Variants in VDAC1 observed in about 807,000 individuals in gnomAD.
VDAC1 encodes non-selective voltage-gated ion channel VDAC1.
Under a neutral mutation model 34.7 loss-of-function variants are expected in VDAC1, and 10 were observed. The observed-to-expected ratio is 0.29, with a 90% confidence interval of 0.18 to 0.49. The LOEUF is 0.49. VDAC1 is among the 20% of genes least tolerant of loss of function. The pLI, the probability that VDAC1 is intolerant of heterozygous loss-of-function variation, is 0.99. For missense variants in VDAC1, 230 were observed against 347.9 expected (o/e 0.66, Z 2.69); for synonymous variants, 130 against 136.0 (o/e 0.96, Z 0.30).
the VDAC1 span, among the ~76,000 whole-genome samples, chr5:134,060,150 G>A: frequency 6.6e-6 from 1 of 151,928 alleles, no homozygotes; most frequent in Non-Finnish European, 1.5e-5. Context: ...GTAAAGCCAA[G>A]AGTCAGAAAC....
intron 5 of VDAC1, among the ~76,000 whole-genome samples, chr5:133,981,306 A>C (rs1752689006): frequency 6.6e-6 from 1 of 152,232 alleles, no homozygotes; most frequent in African/African-American, 2.4e-5. Flanking sequence ...TATGAAACAG[A>C]TGCATCTTTG....
the VDAC1 span, among the ~76,000 whole-genome samples, chr5:134,094,601 G>A: frequency 1.3e-5 from 2 of 150,088 alleles, no homozygotes; most frequent in African/African-American, 2.4e-5. Flanking sequence ...GGAGGCTGAG[G>A]TAGGAGAATG....
At chr5:134,106,900 T>C in the VDAC1 span, among the ~76,000 whole-genome samples, 6 of 152,194 alleles carry the variant, frequency 3.9e-5, no homozygotes, top group East Asian at 1.9e-4. Flanking sequence ...TTAGAAAAAG[T>C]TGAAGCCTGT....
intron 1 of VDAC1, among the ~76,000 whole-genome samples, chr5:133,995,206 G>A (rs1290503044): frequency 2.0e-5 from 3 of 152,198 alleles, no homozygotes; most frequent in Non-Finnish European, 2.9e-5. Flanking sequence ...AGAGCAGACC[G>A]GACCCCTCCT....
At chr5:134,006,750 A>ACCC (rs1561605416), upstream of VDAC1, among the ~76,000 whole-genome samples, 76 of 64,900 alleles carry the variant, frequency 1.2e-3, 2 homozygotes, top group African/African-American at 2.9e-3. Flanking sequence ...CCCCCCCCCA[A>ACCC]AAAAAAAAAA....
At chr5:134,032,081 C>T in the VDAC1 span, among the ~76,000 whole-genome samples, 7 of 141,934 alleles carry the variant, frequency 4.9e-5, no homozygotes, top group South Asian at 4.6e-4. Flanking sequence ...CAAGATTGTG[C>T]CACTGCACTC....
chr5:134,083,778 A>G, the VDAC1 span, among the ~76,000 whole-genome samples: 2 of 152,234 alleles, frequency 1.3e-5, no homozygotes, highest in African/African-American at 4.8e-5. Context: ...CAGAGTCCAG[A>G]GAGGGAGACA....
chr5:134,060,895 T>TTTTTTTTTTTTTTA, the VDAC1 span, among the ~76,000 whole-genome samples: 2 of 144,816 alleles, frequency 1.4e-5, no homozygotes, highest in Non-Finnish European at 3.0e-5. Context: ...TTTTTTTTTT[T>TTTTTTTTTTTTTTA]GAGACAGGGT....
At chr5:134,039,990 C>A in the VDAC1 span, among the ~76,000 whole-genome samples, 1 of 152,182 alleles carries the variant, frequency 6.6e-6, no homozygotes, top group Admixed American at 6.5e-5. Flanking sequence ...GGTGACAGCA[C>A]CCCCTTAGGC....
chr5:134,000,742 C>T (rs984711333), intron 1 of VDAC1, among the ~76,000 whole-genome samples: 1 of 152,102 alleles, frequency 6.6e-6, no homozygotes. Flanking sequence ...ACTGAATTAG[C>T]TCGTTAATAT....
At chr5:134,099,955 T>C in the VDAC1 span, among the ~76,000 whole-genome samples, 3 of 152,184 alleles carry the variant, frequency 2.0e-5, no homozygotes, top group Non-Finnish European at 4.4e-5. Context: ...AAGGGGTCCA[T>C]CCCACATTCC....
intron 6 of VDAC1, among the ~76,000 whole-genome samples, chr5:133,979,688 A>C (rs576995332): frequency 1.6e-3 from 246 of 152,274 alleles, no homozygotes; most frequent in African/African-American, 5.4e-3. Context: ...TCGGCCTCCC[A>C]AAGTGCTGGG....
At chr5:134,073,054 G>C in the VDAC1 span, among the ~76,000 whole-genome samples, 5 of 152,192 alleles carry the variant, frequency 3.3e-5, no homozygotes. Context: ...GCTATGTCAA[G>C]AGTCAAGAGG....
At chr5:134,111,875 T>C in the VDAC1 span, among the ~76,000 whole-genome samples, 2 of 152,216 alleles carry the variant, frequency 1.3e-5, no homozygotes, top group Non-Finnish European at 2.9e-5. Context: ...TGTGAGAACT[T>C]AGGTGACTTC....
Position 133,980,899 on chromosome 5 carries a change from G to A in VDAC1, c.381C>T (p.Cys127=), listed in dbSNP as rs769541255. The A allele has an allele frequency of 8.7e-6, 14 of 1,613,886 alleles. No homozygotes were observed. The highest frequency in any genetic ancestry group is 3.3e-5 in the South Asian group (3 of 91,076). ...GCCCAGCAATGTCGAAATCCATGTC[G>A]CAGCCCAGGTTAATGTGCTCCCGCT... is the stretch of plus-strand genomic sequence containing the variant. ...GYKREHINLG[C]DMDFDIAGPS... Residue 127 remains cysteine, a synonymous_variant, in exon 6 of 9, where the codon TGC becomes TGT. Transcript: ENST00000265333.
At chr5:134,038,268 C>G in the VDAC1 span, among the ~76,000 whole-genome samples, 1 of 152,170 alleles carries the variant, frequency 6.6e-6, no homozygotes, top group Non-Finnish European at 1.5e-5. Flanking sequence ...TGAAAGAACT[C>G]AGAAAGCAAA....
chr5:134,014,723 G>A, the VDAC1 span, among the ~76,000 whole-genome samples: 4 of 152,000 alleles, frequency 2.6e-5, no homozygotes, highest in East Asian at 1.9e-4. Context: ...AAAATTAGCC[G>A]GGCATGGTGG....
At chr5:134,039,722 G>C in the VDAC1 span, among the ~76,000 whole-genome samples, 3 of 152,322 alleles carry the variant, frequency 2.0e-5, no homozygotes, top group South Asian at 6.2e-4. Context: ...TTAGCCACGA[G>C]GTGGCGCCAG....
chr5:134,113,311 C>T, the VDAC1 span, among the ~76,000 whole-genome samples: 180 of 152,298 alleles, frequency 1.2e-3, 1 homozygote, highest in African/African-American at 4.2e-3. Flanking sequence ...CCGGAGGTGG[C>T]GGGGGAGGGG....
Sources: gnomAD v4.1 joint callset for allele counts (sites outside exome capture counted in the v4.1 genomes callset) on GRCh38, gnomAD v4.1.1 for gene constraint, MANE v1.5 for transcripts, NCBI Gene and HGNC (gene_info 2026-07-23, HGNC 2026-07-21) for gene names.